Variants in FTO observed in about 807,000 individuals in gnomAD.
FTO encodes the protein FTO alpha-ketoglutarate dependent dioxygenase, also known as alpha-ketoglutarate-dependent dioxygenase FTO.
FTO carries 47 observed loss-of-function variants against 63.9 expected under a neutral mutation model. The ratio of observed to expected loss-of-function variants is 0.74; its 90% CI spans 0.58 to 0.94. FTO has a LOEUF of 0.94. FTO is among the 40% of genes least tolerant of loss of function. The pLI is 0.00. For synonymous variants in FTO, 207 were observed against 224.4 expected (o/e 0.92, Z 0.69); for missense variants, 562 against 618.1 (o/e 0.91, Z 0.96).
chr16:53,989,039 G>C (rs568090868), intron 8 of FTO, among the ~76,000 whole-genome samples: 2 of 152,252 alleles, frequency 1.3e-5, no homozygotes, highest in African/African-American at 4.8e-5. Context: ...GTTAGTGAGG[G>C]GGGTTGGTAA....
intron 8 of FTO, among the ~76,000 whole-genome samples, chr16:53,976,048 C>T (rs541664416): frequency 1.3e-5 from 2 of 152,146 alleles, no homozygotes; most frequent in Non-Finnish European, 2.9e-5. Context: ...CTCTCCCACC[C>T]CAGTGTAGTG....
chr16:53,775,151 T>C (rs1159508574), intron 1 of FTO, among the ~76,000 whole-genome samples: 5 of 152,118 alleles, frequency 3.3e-5, no homozygotes. Flanking sequence ...GGGTGCTGAG[T>C]GCCACCATAT....
At chr16:53,958,286 A>G (rs572310999) in intron 8 of FTO, among the ~76,000 whole-genome samples, 1 of 152,236 alleles carries the variant, frequency 6.6e-6, no homozygotes, top group East Asian at 1.9e-4. Context: ...CCAGAAAGGG[A>G]TGTAGAGGGA....
At chr16:53,889,781 C>T (rs564768497) in intron 7 of FTO, among the ~76,000 whole-genome samples, 3 of 152,056 alleles carry the variant, frequency 2.0e-5, no homozygotes, top group South Asian at 2.1e-4. Flanking sequence ...AGCTGGAAGG[C>T]AGGTTGAAGC....
chr16:53,741,717 A>G (rs2151541493), intron 1 of FTO, among the ~76,000 whole-genome samples: 1 of 152,266 alleles, frequency 6.6e-6, no homozygotes, highest in South Asian at 2.1e-4. Flanking sequence ...AAACTCTGTT[A>G]TTGTTGTGTA....
intron 8 of FTO, among the ~76,000 whole-genome samples, chr16:54,017,824 C>T (rs1378739408): frequency 6.6e-6 from 1 of 152,024 alleles, no homozygotes; most frequent in East Asian, 1.9e-4. Flanking sequence ...GCCCAGTCTC[C>T]CTCTCTAGAC....
intron 1 of FTO, among the ~76,000 whole-genome samples, chr16:53,734,818 G>T (rs547186240): frequency 7.2e-5 from 11 of 152,198 alleles, no homozygotes; most frequent in Non-Finnish European, 1.2e-4. Flanking sequence ...TGTGTTCAGG[G>T]TAGGAAGAAG....
intron 1 of FTO, among the ~76,000 whole-genome samples, chr16:53,774,114 C>A (rs112773297): frequency 1.1e-4 from 16 of 152,124 alleles, no homozygotes; most frequent in Non-Finnish European, 1.9e-4. Flanking sequence ...CAGAATTAAC[C>A]GACAGAAGAC....
At chr16:53,860,881 A>AGCACACACAC (rs540501345) in intron 4 of FTO, among the ~76,000 whole-genome samples, 3 of 145,726 alleles carry the variant, frequency 2.1e-5, no homozygotes, top group African/African-American at 7.5e-5. Flanking sequence ...AAATGTTTTT[A>AGCACACACAC]ACACACACAC....
At chr16:53,902,556 A>G (rs1020694996) in intron 7 of FTO, among the ~76,000 whole-genome samples, 1 of 152,178 alleles carries the variant, frequency 6.6e-6, no homozygotes, top group Non-Finnish European at 1.5e-5. Context: ...CTGTGTTTGG[A>G]CCTGGCATAT....
intron 8 of FTO, among the ~76,000 whole-genome samples, chr16:54,086,856 G>T (rs372371117): frequency 6.6e-6 from 1 of 152,204 alleles, no homozygotes; most frequent in Non-Finnish European, 1.5e-5. Flanking sequence ...GGGAGGGGTC[G>T]TGAACTGAAC....
intron 4 of FTO, among the ~76,000 whole-genome samples, chr16:53,860,508 C>T (rs1204631443): frequency 5.9e-5 from 9 of 152,132 alleles, no homozygotes; most frequent in Non-Finnish European, 1.0e-4. Flanking sequence ...GGAAGTAGGA[C>T]GCTGGCATCT....
At chr16:54,067,511 C>T (rs908728615) in intron 8 of FTO, among the ~76,000 whole-genome samples, 26 of 152,310 alleles carry the variant, frequency 1.7e-4, no homozygotes, top group African/African-American at 5.8e-4. Flanking sequence ...CCGCATCAGC[C>T]ACCAGCTGTC....
intron 4 of FTO, among the ~76,000 whole-genome samples, chr16:53,855,873 A>G (rs1285039179): frequency 6.6e-6 from 1 of 152,218 alleles, no homozygotes; most frequent in Non-Finnish European, 1.5e-5. Flanking sequence ...AAAGATAAAA[A>G]TAATGTGTTG....
chr16:53,740,681 G>A (rs1057005607), intron 1 of FTO, among the ~76,000 whole-genome samples: 1 of 152,096 alleles, frequency 6.6e-6, no homozygotes, highest in Admixed American at 6.6e-5. Flanking sequence ...TGGCTCAGTT[G>A]ACAGTTTTTA....
At chr16:54,102,189 C>T (rs2086655527) in intron 8 of FTO, among the ~76,000 whole-genome samples, 1 of 152,112 alleles carries the variant, frequency 6.6e-6, no homozygotes, top group Admixed American at 6.5e-5. Flanking sequence ...TCAACTTTTG[C>T]TTTTGAAACC....
At chr16:53,772,993 A>C (rs1020097155) in intron 1 of FTO, among the ~76,000 whole-genome samples, 1 of 152,032 alleles carries the variant, frequency 6.6e-6, no homozygotes, top group Non-Finnish European at 1.5e-5. Context: ...AATGTTCTTA[A>C]GATTTAATTT....
rs144748792 is a variant in FTO, at chr16:53,980,290, C to T, written c.1364+46181C>T. ...AACAATTGTGAAATTAGTAACTAAC[C>T]TCTGCTTGCTGATGAGATTGTTTGA... On this transcript the variant is annotated intron_variant, in intron 8 of 8. Coordinates refer to ENST00000471389, the MANE Select transcript of FTO (RefSeq NM_001080432.3). Among the ~76,000 whole-genome samples, 4 of 152,242 alleles carry T rather than the reference C, an allele frequency of 2.6e-5. No individual in the cohort carries two copies. The South Asian group carries it at 6.2e-4, about 24-fold the overall frequency.
chr16:53,758,561 G>C (rs550338298), intron 1 of FTO, among the ~76,000 whole-genome samples: 1 of 152,260 alleles, frequency 6.6e-6, no homozygotes, highest in Non-Finnish European at 1.5e-5. Flanking sequence ...CTGTAGTGAG[G>C]CCCACCAGTT....
Sources: gnomAD v4.1 joint callset for allele counts (sites outside exome capture counted in the v4.1 genomes callset) on GRCh38, gnomAD v4.1.1 for gene constraint, MANE v1.5 for transcripts, NCBI Gene and HGNC (gene_info 2026-07-23, HGNC 2026-07-21) for gene names.